Variants in MEGF11 observed in about 807,000 individuals in gnomAD.
MEGF11 encodes the protein multiple EGF like domains 11, also known as multiple epidermal growth factor-like domains protein 11.
MEGF11 carries 126 observed loss-of-function variants against 146.6 expected under a neutral mutation model. That is an observed-to-expected ratio of 0.86 (90% CI 0.74 to 1.00). The LOEUF is 1.00. MEGF11 is among the 50% of genes least tolerant of loss of function. The pLI is 0.00. For missense variants in MEGF11, 1,509 were observed against 1,521.2 expected (o/e 0.99, Z 0.13); for synonymous variants, 532 against 583.4 (o/e 0.91, Z 1.27).
intron 5 of MEGF11, among the ~76,000 whole-genome samples, chr15:66,003,789 C>T (rs1359654308): frequency 6.6e-6 from 1 of 152,184 alleles, no homozygotes; most frequent in Non-Finnish European, 1.5e-5. Context: ...CTTCCCACTG[C>T]CCAGTCCCTC....
intron 5 of MEGF11, among the ~76,000 whole-genome samples, chr15:65,985,231 G>T (rs1295225018): frequency 1.3e-5 from 2 of 152,182 alleles, no homozygotes; most frequent in Non-Finnish European, 2.9e-5. Flanking sequence ...ATTACCTGAG[G>T]TTACAGCAAG....
chr15:66,204,476 T>C (rs527463227), intron 1 of MEGF11, among the ~76,000 whole-genome samples: 2 of 152,182 alleles, frequency 1.3e-5, no homozygotes, highest in Non-Finnish European at 2.9e-5. Context: ...GGCCTTGTGA[T>C]ACCAGTAGCA....
chr15:65,913,365 T>C (rs1266682454), intron 20 of MEGF11, among the ~76,000 whole-genome samples: 1 of 152,164 alleles, frequency 6.6e-6, no homozygotes, highest in African/African-American at 2.4e-5. Context: ...GGCACTGGGC[T>C]CCAAGGTCTA....
intron 5 of MEGF11, among the ~76,000 whole-genome samples, chr15:66,026,471 G>C (rs1362780518): frequency 6.6e-6 from 1 of 152,158 alleles, no homozygotes; most frequent in Non-Finnish European, 1.5e-5. Context: ...CTGATGACCT[G>C]TATTTGAAGC....
At chr15:66,138,154 T>C (rs2140994977) in intron 1 of MEGF11, among the ~76,000 whole-genome samples, 1 of 152,278 alleles carries the variant, frequency 6.6e-6, no homozygotes, top group Middle Eastern at 3.4e-3. Context: ...CTTACCCTCC[T>C]CCAGGCCCAG....
At chr15:66,223,101 C>A (rs1352862037) in intron 1 of MEGF11, among the ~76,000 whole-genome samples, 2 of 152,236 alleles carry the variant, frequency 1.3e-5, no homozygotes, top group Non-Finnish European at 2.9e-5. Flanking sequence ...CTCTAACAAC[C>A]AATGAATGGA....
chr15:66,189,340 A>G (rs1265260010), intron 1 of MEGF11, among the ~76,000 whole-genome samples: 1 of 152,110 alleles, frequency 6.6e-6, no homozygotes, highest in Non-Finnish European at 1.5e-5. Flanking sequence ...CGGGAAGGGG[A>G]CATGTAATAA....
chr15:66,245,163 C>A (rs1490907372), intron 1 of MEGF11, among the ~76,000 whole-genome samples: 1 of 152,076 alleles, frequency 6.6e-6, no homozygotes, highest in Non-Finnish European at 1.5e-5. Context: ...CAGGGAAAGA[C>A]AGAACTTGAA....
chr15:65,899,842 CAGTTGTAT>C (rs1323720421), intron 24 of MEGF11, among the ~76,000 whole-genome samples: 1 of 152,140 alleles, frequency 6.6e-6, no homozygotes, highest in Admixed American at 6.6e-5. Context: ...TGCCACCTCT[CAGTTGTAT>C]AGTTGTACCA....
intron 6 of MEGF11, among the ~76,000 whole-genome samples, chr15:65,981,208 G>T (rs1179628146): frequency 2.0e-5 from 3 of 152,200 alleles, no homozygotes; most frequent in Non-Finnish European, 2.9e-5. Flanking sequence ...GGGCCTTAAA[G>T]GTGAAGTTAA....
intron 1 of MEGF11, among the ~76,000 whole-genome samples, chr15:66,249,217 G>C (rs574062012): frequency 3.3e-5 from 5 of 152,218 alleles, no homozygotes; most frequent in Admixed American, 3.3e-4. Context: ...CACACTGGCT[G>C]TTCAGTTGTT....
intron 1 of MEGF11, among the ~76,000 whole-genome samples, chr15:66,249,242 C>G (rs1028407130): frequency 6.6e-6 from 1 of 152,218 alleles, no homozygotes; most frequent in Non-Finnish European, 1.5e-5. Flanking sequence ...CCACCCCTCC[C>G]AATTCCTTAA....
intron 1 of MEGF11, among the ~76,000 whole-genome samples, chr15:66,145,402 ATCT>A (rs915256483): frequency 1.3e-5 from 2 of 152,122 alleles, no homozygotes; most frequent in Non-Finnish European, 2.9e-5. Flanking sequence ...GTGGCCATAA[ATCT>A]TCTGTGAGAC....
intron 5 of MEGF11, among the ~76,000 whole-genome samples, chr15:65,993,267 C>T (rs904884599): frequency 2.0e-5 from 3 of 152,188 alleles, no homozygotes; most frequent in African/African-American, 7.2e-5. Context: ...GTCTATGAGG[C>T]TCGGGGTGAG....
intron 1 of MEGF11, among the ~76,000 whole-genome samples, chr15:66,235,545 T>C (rs1307267531): frequency 6.6e-6 from 1 of 151,066 alleles, no homozygotes; most frequent in Non-Finnish European, 1.5e-5. Context: ...TCCAGAGACA[T>C]GGCCAAGAGG....
chr15:66,130,230 G>T (rs1420630578), intron 1 of MEGF11, among the ~76,000 whole-genome samples: 1 of 152,194 alleles, frequency 6.6e-6, no homozygotes, highest in Non-Finnish European at 1.5e-5. Flanking sequence ...AGAGTCAAAA[G>T]TGGAACAAGC....
chr15:66,043,912 G>C (rs1442272873), intron 5 of MEGF11, among the ~76,000 whole-genome samples: 1 of 152,164 alleles, frequency 6.6e-6, no homozygotes, highest in African/African-American at 2.4e-5. Flanking sequence ...AAGGGAGTGG[G>C]GTAATCATGA....
chr15:65,965,605 T>C (rs1161372570), intron 8 of MEGF11, among the ~76,000 whole-genome samples: 150 of 81,042 alleles, frequency 1.9e-3, no homozygotes, highest in Non-Finnish European at 2.8e-3. Flanking sequence ...TCTTTCTTTT[T>C]TTTTTTTCTT....
At chr15:66,028,722 A>G (rs928755905) in intron 5 of MEGF11, among the ~76,000 whole-genome samples, 1 of 152,246 alleles carries the variant, frequency 6.6e-6, no homozygotes, top group Admixed American at 6.5e-5. Flanking sequence ...CATTTAAAAT[A>G]TTTATGAAAA....
Sources: allele counts gnomAD v4.1 joint callset (sites outside exome capture counted in the v4.1 genomes callset), GRCh38; gene constraint gnomAD v4.1.1; transcripts MANE v1.5; gene names NCBI Gene and HGNC (gene_info 2026-07-23, HGNC 2026-07-21).